Variants in EMCN observed in about 807,000 individuals in gnomAD.
EMCN encodes the protein endomucin.
Under a neutral mutation model 38.4 loss-of-function variants are expected in EMCN, and 37 were observed. That is an observed-to-expected ratio of 0.96 (90% CI 0.74 to 1.27). EMCN has a LOEUF of 1.27. EMCN is among the 50% of genes most tolerant of loss of function. The pLI is 0.00. For missense variants in EMCN, 318 were observed against 302.8 expected, an observed-to-expected ratio of 1.05 and a Z score of -0.37; for synonymous variants, 95 against 100.8, an observed-to-expected ratio of 0.94 and a Z score of 0.35.
chr4:100,488,871 T>C (rs1729006889), intron 1 of EMCN, among the ~76,000 whole-genome samples: 1 of 152,166 alleles, frequency 6.6e-6, no homozygotes, highest in African/African-American at 2.4e-5. Flanking sequence ...TTAAAAGTTA[T>C]TTTTACCTTC....
chr4:100,416,943 G>A (rs1726753404), intron 9 of EMCN, among the ~76,000 whole-genome samples, 174 bp downstream of exon 9: 1 of 151,972 alleles, frequency 6.6e-6, no homozygotes, highest in Non-Finnish European at 1.5e-5. Context: ...GATTAAACAT[G>A]ATCTTACATT....
intron 1 of EMCN, among the ~76,000 whole-genome samples, chr4:100,506,035 G>A (rs1188379405): frequency 6.6e-6 from 1 of 151,970 alleles, no homozygotes; most frequent in Non-Finnish European, 1.5e-5. Context: ...AAGAGATAGT[G>A]GGAAACAAAA....
At chr4:100,404,487 G>A (rs35493637) in intron 11 of EMCN, among the ~76,000 whole-genome samples, 14,090 of 151,772 alleles carry the variant, frequency 0.093, 818 homozygotes, top group South Asian at 0.14. Context: ...TACTGTACTA[G>A]TTACTGTAGC....
chr4:100,497,676 C>T (rs943924706), intron 1 of EMCN, among the ~76,000 whole-genome samples: 10 of 151,978 alleles, frequency 6.6e-5, no homozygotes, highest in Non-Finnish European at 1.0e-4. Flanking sequence ...GCTCCAGGCC[C>T]AAATCAAGTT....
intron 4 of EMCN, among the ~76,000 whole-genome samples, chr4:100,456,499 A>T (rs898099174): frequency 6.6e-6 from 1 of 152,158 alleles, no homozygotes; most frequent in Admixed American, 6.5e-5. Flanking sequence ...GGCTTTAATT[A>T]TATTGCCAGT....
chr4:100,450,060 T>G (rs940471949), intron 4 of EMCN, among the ~76,000 whole-genome samples: 3 of 151,994 alleles, frequency 2.0e-5, no homozygotes, highest in Non-Finnish European at 4.4e-5. Context: ...AATTAATGAG[T>G]GAAGATATTT....
At chr4:100,453,735 T>C (rs1233578150) in intron 4 of EMCN, among the ~76,000 whole-genome samples, 31 of 152,112 alleles carry the variant, frequency 2.0e-4, no homozygotes, top group Admixed American at 7.9e-4. Flanking sequence ...ATGTTTATTG[T>C]GGCACTATTC....
At chr4:100,437,987 T>C (rs1727403703) in intron 5 of EMCN, among the ~76,000 whole-genome samples, 1 of 152,110 alleles carries the variant, frequency 6.6e-6, no homozygotes, top group South Asian at 2.1e-4. Context: ...AATATTGCTT[T>C]TTGACATTTT....
chr4:100,459,168 GCTCTCT>G (rs70958363), intron 4 of EMCN, among the ~76,000 whole-genome samples: 2,528 of 132,198 alleles, frequency 0.019, 47 homozygotes, highest in Non-Finnish European at 0.026. Context: ...GCCCTCAGAT[GCTCTCT>G]CTCTCTCTCT....
chr4:100,489,183 T>C (rs1487967673), intron 1 of EMCN, among the ~76,000 whole-genome samples: 4 of 152,152 alleles, frequency 2.6e-5, no homozygotes. Context: ...TTCTCTACAT[T>C]GGCTATAGGT....
At chr4:100,446,568 T>G (rs1469260491) in intron 5 of EMCN, among the ~76,000 whole-genome samples, 1 of 152,166 alleles carries the variant, frequency 6.6e-6, no homozygotes, top group African/African-American at 2.4e-5. Flanking sequence ...TATTTCATAT[T>G]TTTAGTTTAT....
At chr4:100,503,165 T>C (rs1729394533) in intron 1 of EMCN, among the ~76,000 whole-genome samples, 2 of 152,140 alleles carry the variant, frequency 1.3e-5, no homozygotes, top group South Asian at 4.1e-4. Context: ...ATAACTTCCA[T>C]GTGACACCTA....
chr4:100,412,314 G>A (rs1014205398), intron 10 of EMCN, among the ~76,000 whole-genome samples: 1 of 152,124 alleles, frequency 6.6e-6, no homozygotes, highest in Non-Finnish European at 1.5e-5. Context: ...TTAACCTTAA[G>A]TTATTACTTA....
At chr4:100,406,408 A>G (rs1158649566) in intron 11 of EMCN, among the ~76,000 whole-genome samples, 1 of 152,142 alleles carries the variant, frequency 6.6e-6, no homozygotes, top group Non-Finnish European at 1.5e-5. Context: ...TTGAAGCTGT[A>G]TCTCAGAGAT....
intron 5 of EMCN, among the ~76,000 whole-genome samples, chr4:100,425,092 T>C (rs1032798864): frequency 5.1e-4 from 77 of 151,824 alleles, no homozygotes; most frequent in African/African-American, 1.8e-3. Flanking sequence ...ACTTTAAAAA[T>C]TTGTTTTGTT....
rs1203490940 is a variant in EMCN at position 100,395,719 on chromosome 4, G to T, written c.*2694C>A. On this transcript the variant is annotated 3_prime_UTR_variant, in exon 12 of 12. Transcript: ENST00000296420. ...GTTGATACTCATAAATTTAAATATG[G>T]TAGGTAGAAAAGAAATAACACACAG... The T allele has an allele frequency of 1.3e-5, 2 of 152,110 alleles. No homozygotes were observed. Among genetic ancestry groups the T allele is most frequent in the Non-Finnish European group, 2.9e-5 (2 of 68,006 alleles). 9.4% of individuals were successfully genotyped at this position (152,110 alleles called of 1,614,324 possible). A position where few individuals can be genotyped will look rare whatever the true frequency, so the allele number is the denominator to read the frequency against.
chr4:100,492,065 A>C (rs1447081562), intron 1 of EMCN, among the ~76,000 whole-genome samples: 3 of 152,240 alleles, frequency 2.0e-5, no homozygotes, highest in African/African-American at 4.8e-5. Flanking sequence ...GGGAGATCTA[A>C]GAAATGACAG....
At chr4:100,426,981 G>A (rs1727062679) in intron 5 of EMCN, among the ~76,000 whole-genome samples, 1 of 152,042 alleles carries the variant, frequency 6.6e-6, no homozygotes, top group Non-Finnish European at 1.5e-5. Flanking sequence ...TCTTTATTCT[G>A]TGAGTTTCCC....
intron 4 of EMCN, among the ~76,000 whole-genome samples, chr4:100,452,287 T>C (rs1232741551): frequency 6.6e-6 from 1 of 152,064 alleles, no homozygotes; most frequent in Admixed American, 6.6e-5. Context: ...AATTTATTTA[T>C]TATATATAAA....
Sources: allele counts gnomAD v4.1 joint callset (sites outside exome capture counted in the v4.1 genomes callset), GRCh38; gene constraint gnomAD v4.1.1; transcripts MANE v1.5; gene names NCBI Gene and HGNC (gene_info 2026-07-23, HGNC 2026-07-21).